The following PCCA variants were observed in gnomAD, a reference collection of about 807,000 sequenced individuals.
PCCA encodes the protein propionyl-CoA carboxylase alpha chain, mitochondrial.
A neutral mutation model predicts 101.3 loss-of-function variants in PCCA; 74 were observed. The ratio of observed to expected loss-of-function variants is 0.73; its 90% CI spans 0.61 to 0.89. The LOEUF (loss-of-function observed/expected upper bound fraction) is 0.89, where lower values mean the gene tolerates loss of function less well. PCCA is among the 40% of genes least tolerant of loss of function. PCCA has a pLI of 0.00. For synonymous variants in PCCA, 294 were observed against 313.6 expected (o/e 0.94, Z 0.66); for missense variants, 891 against 907.0 (o/e 0.98, Z 0.23).
At chr13:100,452,809 A>G (rs2081430214) in intron 21 of PCCA, among the ~76,000 whole-genome samples, 1 of 152,156 alleles carries the variant, frequency 6.6e-6, no homozygotes, top group Admixed American at 6.6e-5. Flanking sequence ...GCCCTGAACA[A>G]GGCCTGGCTT....
intron 10 of PCCA, among the ~76,000 whole-genome samples, chr13:100,264,077 G>A (rs1397546013): frequency 1.5e-5 from 2 of 135,408 alleles, no homozygotes; most frequent in Admixed American, 1.5e-4. Context: ...TCTGTATATC[G>A]TATATATACG....
intron 16 of PCCA, among the ~76,000 whole-genome samples, 178 bp downstream of exon 16, chr13:100,310,086 T>C (rs1299742228): frequency 1.3e-5 from 2 of 152,218 alleles, no homozygotes; most frequent in African/African-American, 4.8e-5. Context: ...GTTTCCACTG[T>C]TTTAAGCAAA....
At chr13:100,299,720 CT>C (rs899935611) in intron 12 of PCCA, among the ~76,000 whole-genome samples, 4 of 150,280 alleles carry the variant, frequency 2.7e-5, no homozygotes, top group East Asian at 3.9e-4. Context: ...AGGTTCACCT[CT>C]TTTTTTTTTC....
intron 20 of PCCA, among the ~76,000 whole-genome samples, chr13:100,437,765 CT>C (rs2080050484): frequency 6.6e-6 from 1 of 152,034 alleles, no homozygotes; most frequent in African/African-American, 2.4e-5. Flanking sequence ...GCCTCCCAGA[CT>C]CAAGCAATTC....
At chr13:100,377,554 G>A (rs899880382) in intron 19 of PCCA, among the ~76,000 whole-genome samples, 2 of 152,048 alleles carry the variant, frequency 1.3e-5, no homozygotes, top group Non-Finnish European at 2.9e-5. Flanking sequence ...GAGTGCAGTG[G>A]CGTGATCTAA....
At chr13:100,440,202 A>G (rs1595906077) in intron 20 of PCCA, among the ~76,000 whole-genome samples, 1 of 106,542 alleles carries the variant, frequency 9.4e-6, no homozygotes, top group East Asian at 2.9e-4. Flanking sequence ...ATATATATAT[A>G]TATATATAAA....
chr13:100,493,944 A>G (rs563391125), intron 21 of PCCA, among the ~76,000 whole-genome samples: 21 of 152,124 alleles, frequency 1.4e-4, no homozygotes, highest in Admixed American at 3.3e-4. Context: ...TAATCTCAGC[A>G]CTTTGGGAGG....
intron 14 of PCCA, among the ~76,000 whole-genome samples, chr13:100,304,740 CCTTGT>C (rs2066324903): frequency 6.6e-6 from 1 of 152,092 alleles, no homozygotes; most frequent in Admixed American, 6.6e-5. Flanking sequence ...TGTTTTTCTT[CCTTGT>C]CTTATTAAAA....
At chr13:100,376,025 G>A (rs937819982) in intron 19 of PCCA, among the ~76,000 whole-genome samples, 5 of 152,186 alleles carry the variant, frequency 3.3e-5, no homozygotes, top group Non-Finnish European at 7.3e-5. Context: ...TGGGGTTTTT[G>A]TGTGGACCTC....
At chr13:100,288,518 A>T (rs568294360) in intron 12 of PCCA, among the ~76,000 whole-genome samples, 4 of 152,220 alleles carry the variant, frequency 2.6e-5, no homozygotes, top group Non-Finnish European at 4.4e-5. Flanking sequence ...GCTAGTCTCT[A>T]ACTCTTGGGG....
Position 100,102,854 on chromosome 13 carries a change from C to T in PCCA, c.106-29C>T, listed in dbSNP as rs748556952. ...TGTTCTAAAGCCCATCAAGTATTTG[C>T]AATTTATTTTGCTTTCCTTTTTTTG... On this transcript the variant is annotated intron_variant, in intron 1 of 23. Coordinates refer to ENST00000376285, the MANE Select transcript of PCCA (RefSeq NM_000282.4). 11 of 1,489,324 alleles carry T rather than the reference C, an allele frequency of 7.4e-6. No homozygotes were observed. In the Admixed American group the frequency reaches 1.2e-4, roughly 16 times the overall value. The allele number at this position is 1,489,324 out of a possible 1,614,324, so 92.3% of individuals were successfully genotyped here. A position where few individuals can be genotyped will look rare whatever the true frequency, so the allele number is the denominator to read the frequency against.
chr13:100,413,404 T>A (rs2078172138), intron 19 of PCCA, among the ~76,000 whole-genome samples: 2 of 152,012 alleles, frequency 1.3e-5, no homozygotes, highest in Admixed American at 1.3e-4. Context: ...AAAATACATA[T>A]GAAAAGCAAA....
intron 16 of PCCA, among the ~76,000 whole-genome samples, chr13:100,321,985 G>A (rs1412463770): frequency 1.3e-5 from 2 of 152,116 alleles, no homozygotes; most frequent in Non-Finnish European, 2.9e-5. Flanking sequence ...TATTGAAAAG[G>A]TGTGCCCTGC....
chr13:100,331,553 G>C (rs2069575403), intron 17 of PCCA, among the ~76,000 whole-genome samples: 1 of 152,112 alleles, frequency 6.6e-6, no homozygotes. Flanking sequence ...ACAATACAGA[G>C]TTTTCATAAG....
At chr13:100,114,595 C>A (rs2048622759) in intron 4 of PCCA, among the ~76,000 whole-genome samples, 1 of 151,908 alleles carries the variant, frequency 6.6e-6, no homozygotes, top group Non-Finnish European at 1.5e-5. Context: ...GAGACTATGT[C>A]CAAAGGAAAA....
At chr13:100,423,113 T>C (rs569016763) in intron 19 of PCCA, among the ~76,000 whole-genome samples, 1 of 151,888 alleles carries the variant, frequency 6.6e-6, no homozygotes, top group South Asian at 2.1e-4. Context: ...GGCTACAGCC[T>C]TTTTTTTGGA....
At chr13:100,206,118 G>T (rs2058836394) in intron 6 of PCCA, among the ~76,000 whole-genome samples, 1 of 151,988 alleles carries the variant, frequency 6.6e-6, no homozygotes, top group Non-Finnish European at 1.5e-5. Flanking sequence ...AGAAACATTT[G>T]ATAGAGAGAT....
chr13:100,101,839 G>A (rs989259349), intron 1 of PCCA, among the ~76,000 whole-genome samples: 1 of 152,146 alleles, frequency 6.6e-6, no homozygotes, highest in African/African-American at 2.4e-5. Context: ...CTGACCTCAG[G>A]TGATCCACCT....
intron 1 of PCCA, among the ~76,000 whole-genome samples, chr13:100,093,803 G>A (rs2046497310): frequency 6.6e-6 from 1 of 152,164 alleles, no homozygotes; most frequent in Admixed American, 6.5e-5. Flanking sequence ...GCTGGGTGTG[G>A]TGGCACGTGC....
Sources: gnomAD v4.1 joint callset for allele counts (sites outside exome capture counted in the v4.1 genomes callset) on GRCh38, gnomAD v4.1.1 for gene constraint, MANE v1.5 for transcripts, NCBI Gene and HGNC (gene_info 2026-07-23, HGNC 2026-07-21) for gene names.